Variants in SLFN5 observed in about 807,000 individuals in gnomAD.
SLFN5 encodes the protein schlafen family member 5.
SLFN5 carries 34 observed loss-of-function variants against 48.5 expected under a neutral mutation model. The ratio of observed to expected loss-of-function variants is 0.70; its 90% CI spans 0.53 to 0.93. SLFN5 has a LOEUF of 0.93. Ranked by LOEUF, SLFN5 falls within the 40% of genes least tolerant of loss-of-function variation. The pLI is 0.00. For missense variants in SLFN5, 1,006 were observed against 1,071.3 expected, an observed-to-expected ratio of 0.94 and a Z score of 0.85; for synonymous variants, 387 against 396.2, an observed-to-expected ratio of 0.98 and a Z score of 0.28.
At chr17:35,249,245 T>C (rs1378932201) in intron 1 of SLFN5, among the ~76,000 whole-genome samples, 1 of 152,136 alleles carries the variant, frequency 6.6e-6, no homozygotes, top group Non-Finnish European at 1.5e-5. Flanking sequence ...AAGCAGAACA[T>C]TTTGAAAGAG....
In SLFN5 at chr17:35,264,433, C is replaced by T; in HGVS notation, c.1389C>T (p.Cys463=). 2 of 1,614,176 alleles carry T rather than the reference C, an allele frequency of 1.2e-6. No homozygotes were observed. The highest frequency in any genetic ancestry group is 1.7e-6 in the Non-Finnish European group (2 of 1,180,044). ...TCTTCAGCAAGTGGGATGCGGGGTG[C>T]AAGGGCTATTCTATGATAGTTGCCT... ...YTIFSKWDAG[C]KGYSMIVAYS... The change falls in exon 4 of 5, where the codon TGC becomes TGT. Residue 463 remains cysteine, a synonymous_variant. Coordinates refer to ENST00000299977, the MANE Select transcript of SLFN5 (RefSeq NM_144975.4).
chr17:35,259,815 C>T, intron 2 of SLFN5, 113 bp downstream of exon 2: 3 of 1,277,578 alleles, frequency 2.3e-6, no homozygotes, highest in South Asian at 1.5e-5. Context: ...GAGATTTACT[C>T]TCTGATTTGC....
At chr17:35,251,606 C>T (rs1226027157) in intron 1 of SLFN5, among the ~76,000 whole-genome samples, 1 of 150,486 alleles carries the variant, frequency 6.6e-6, no homozygotes, top group Non-Finnish European at 1.5e-5. Context: ...GGGGTTTCAC[C>T]GTGTTAGCCA....
chr17:35,252,432 A>C (rs1174489590), intron 1 of SLFN5, among the ~76,000 whole-genome samples: 2 of 152,186 alleles, frequency 1.3e-5, no homozygotes, highest in South Asian at 4.1e-4. Flanking sequence ...CTCTAAAAAA[A>C]CAAAAACCAA....
At position 35,272,797 on chromosome 17, in the gene SLFN5, A is replaced by C. The variant is rs748629143; in HGVS notation, c.*6909A>C. ...TGGAAACATTACTCATGATAGCAGA[A>C]GTATCAATTGACAAAATTACTCAGA... On this transcript the variant is annotated 3_prime_UTR_variant, in exon 5 of 5. Transcript: ENST00000299977. The C allele has an allele frequency of 1.3e-5, 2 of 152,242 alleles. No homozygotes were observed. Among genetic ancestry groups the C allele is most frequent in the African/African-American group, 4.8e-5 (2 of 41,468 alleles). The allele number at this position is 152,242 out of a possible 1,614,324, so 9.4% of individuals were successfully genotyped here. A position where few individuals can be genotyped will look rare whatever the true frequency, so the allele number is the denominator to read the frequency against.
chr17:35,264,085 T>G, intron 3 of SLFN5, 98 bp from the exon 4 acceptor site: 1 of 1,395,110 alleles, frequency 7.2e-7, no homozygotes, highest in Non-Finnish European at 9.5e-7. Flanking sequence ...TGTAGATACA[T>G]AGTAGAGTCC....
chr17:35,272,526 G>A lies in SLFN5; in HGVS notation c.*6638G>A, dbSNP rs1301895858. 2.6e-5 allele frequency: 4 copies of A among 152,130 alleles called. No individual in the cohort carries two copies. The highest frequency in any genetic ancestry group is 9.7e-5 in the African/African-American group (4 of 41,418). 9.4% of individuals were successfully genotyped at this position (152,130 alleles called of 1,614,324 possible). On this transcript the variant is annotated 3_prime_UTR_variant, in exon 5 of 5. Coordinates refer to ENST00000299977, the MANE Select transcript of SLFN5 (RefSeq NM_144975.4). The stretch of plus-strand genomic sequence containing the variant: ...AGTATGGCCCTCAATCAGAAACCAG[G>A]AAGGAAAATATTGACTATTTTAAAC...
In SLFN5 at chr17:35,272,102, GA is replaced by G. The variant is rs1261442404; in HGVS notation, c.*6215del. ...GAAAAATCTAGAAAAGAAGAAACCT[GA>G]GTGAGTCAGCATGACCAAATATTAA... is the stretch of plus-strand genomic sequence containing the variant. On this transcript the variant is annotated 3_prime_UTR_variant, in exon 5 of 5. Transcript: ENST00000299977. 2.0e-5 allele frequency: 3 copies of G among 151,998 alleles called. No homozygotes were observed. The highest frequency in any genetic ancestry group is 6.6e-5 in the Admixed American group (1 of 15,242). The allele number at this position is 151,998 out of a possible 1,614,324, so 9.4% of individuals were successfully genotyped here. A position where few individuals can be genotyped will look rare whatever the true frequency, so the allele number is the denominator to read the frequency against.
Position 35,261,025 on chromosome 17 carries a change from C to T in SLFN5, c.1067C>T (p.Pro356Leu). The T allele has an allele frequency of 6.2e-7, 1 of 1,613,992 alleles. No homozygotes were observed. The change falls in exon 3 of 5, where the codon CCC becomes CTC. Residue 356 changes from proline to leucine, a missense_variant. By Grantham distance (98) the Pro-to-Leu change is moderately conservative. Transcript: ENST00000299977. ...CAGTTGAGTTTGTCATCTGCCACGCCCCGCAGCAAGCCTGTGTGCATTCAT... is the reference window on the plus strand; with the variant it reads ...CAGTTGAGTTTGTCATCTGCCACGCTCCGCAGCAAGCCTGTGTGCATTCAT... ...VLQLSLSSAT[P>L]RSKPVCIHKN...
chr17:35,262,431 A>G (rs1904547869), intron 3 of SLFN5, among the ~76,000 whole-genome samples: 1 of 152,024 alleles, frequency 6.6e-6, no homozygotes. Flanking sequence ...AAGTAGTAAT[A>G]ATTACTTGTA....
At position 35,261,158 on chromosome 17, in the gene SLFN5, C is replaced by T. The variant is rs1904510360; in HGVS notation, c.1138+62C>T. ...ATTGTTCATTCATATAAAAAATTGA[C>T]TCCTACTTTATATTATATACAGAAT... is the stretch of plus-strand genomic sequence containing the variant. On this transcript the variant is annotated intron_variant, in intron 3 of 4. Transcript: ENST00000299977. 3.8e-6 allele frequency: 6 copies of T among 1,575,228 alleles called. No individual in the cohort carries two copies. The South Asian group carries it at 6.9e-5, about 18-fold the overall frequency.
At chr17:35,253,623 C>T (rs1041933276) in intron 1 of SLFN5, among the ~76,000 whole-genome samples, 1 of 152,026 alleles carries the variant, frequency 6.6e-6, no homozygotes, top group African/African-American at 2.4e-5. Flanking sequence ...AATCCTCCCA[C>T]CTTGGCCTCC....
rs1904807160 is a variant in SLFN5 at position 35,270,621 on chromosome 17, A to G, written c.*4733A>G. The stretch of plus-strand genomic sequence containing the variant: ...CCAGTTGGCCAGACCAAAGCCTAGA[A>G]CTAAAAAACCCATACCTCAGGGTTT... On this transcript the variant is annotated 3_prime_UTR_variant, in exon 5 of 5. Coordinates refer to ENST00000299977, the MANE Select transcript of SLFN5 (RefSeq NM_144975.4). 1 of 152,266 alleles carries G rather than the reference A, an allele frequency of 6.6e-6. No individual in the cohort carries two copies. Among genetic ancestry groups the G allele is most frequent in the Non-Finnish European group, 1.5e-5 (1 of 68,078 alleles). The allele number at this position is 152,266 out of a possible 1,614,324, so 9.4% of individuals were successfully genotyped here.
chr17:35,269,805 A>C lies in SLFN5; in HGVS notation c.*3917A>C, dbSNP rs1368938799. 6.6e-6 allele frequency: 1 copy of C among 152,238 alleles called. No homozygotes were observed. Among genetic ancestry groups the C allele is most frequent in the African/African-American group, 2.4e-5 (1 of 41,458 alleles). 9.4% of individuals were successfully genotyped at this position (152,238 alleles called of 1,614,324 possible). On this transcript the variant is annotated 3_prime_UTR_variant, in exon 5 of 5. Coordinates refer to ENST00000299977, the MANE Select transcript of SLFN5 (RefSeq NM_144975.4). ...GTTCCCCCAAAGAATATCAGTTACCAAAGTAGGATGAAAGGATGTTGGGTA... is the reference window on the plus strand; with the variant it reads ...GTTCCCCCAAAGAATATCAGTTACCCAAGTAGGATGAAAGGATGTTGGGTA...
chr17:35,264,851 C>T lies in SLFN5; in HGVS notation c.1807C>T (p.Pro603Ser), dbSNP rs1299812054. 12 of 1,592,690 alleles carry T rather than the reference C, an allele frequency of 7.5e-6. 1 individual carries two copies. In the South Asian group the frequency reaches 9.2e-5, roughly 12 times the overall value. Residue 603 changes from proline to serine, a missense_variant, in exon 4 of 5, where the codon CCG (proline) becomes TCG (serine). By Grantham distance (74) the Pro-to-Ser change is moderately conservative. Coordinates refer to ENST00000299977, the MANE Select transcript of SLFN5 (RefSeq NM_144975.4). ...GATCAGGAATGTGTTTCACTGTGAA[C>T]CGGCTAACATTCTCTACATCTGTGA... is the stretch of plus-strand genomic sequence containing the variant. ...EKIRNVFHCEPANILYICENQ... is the reference protein window; with the variant it reads ...EKIRNVFHCESANILYICENQ...
rs1184061001 is a variant in SLFN5 at position 35,272,935 on chromosome 17, T to C, written c.*7047T>C. The C allele has an allele frequency of 1.3e-5, 2 of 151,404 alleles. No individual in the cohort carries two copies. The highest frequency in any genetic ancestry group is 2.9e-5 in the Non-Finnish European group (2 of 67,920). The allele number at this position is 151,404 out of a possible 1,614,324, so 9.4% of individuals were successfully genotyped here. A position where few individuals can be genotyped will look rare whatever the true frequency, so the allele number is the denominator to read the frequency against. On this transcript the variant is annotated 3_prime_UTR_variant, in exon 5 of 5. Transcript: ENST00000299977. Reference sequence around the variant, plus strand: ...ACAAAATTGTGAATGCATATATCTCTTTCTCTAGAAATTTCTCTTTTGGGA... The same window carrying C: ...ACAAAATTGTGAATGCATATATCTCCTTCTCTAGAAATTTCTCTTTTGGGA...
rs763176166 is a variant in SLFN5, at chr17:35,264,860, A to G, written c.1816A>G (p.Ile606Val). Residue 606 changes from isoleucine (I) to valine (V), a missense_variant, in exon 4 of 5, where the codon ATT becomes GTT. Ile to Val is a conservative substitution (Grantham distance 29). Transcript: ENST00000299977. ...TGTGTTTCACTGTGAACCGGCTAAC[A>G]TTCTCTACATCTGTGAAAACCAGCC... ...RNVFHCEPAN[I>V]LYICENQPLK... 1 of 1,587,522 alleles carries G rather than the reference A, an allele frequency of 6.3e-7. No homozygotes were observed. Among genetic ancestry groups the G allele is most frequent in the Non-Finnish European group, 8.5e-7 (1 of 1,170,056 alleles).
Position 35,258,919 on chromosome 17 carries a change from G to C in SLFN5, c.229G>C (p.Asp77His). ...TTATGAACGTCATGGAGTAGGATTG[G>C]ATGTGCCTCCAATTTTCAGAAGCCA... ...YNYERHGVGL[D>H]VPPIFRSHLD... The change falls in exon 2 of 5, where the codon GAT becomes CAT. Residue 77 changes from aspartate (D) to histidine (H), a missense_variant. By Grantham distance (81) the Asp-to-His change is moderately conservative. Coordinates refer to ENST00000299977, the MANE Select transcript of SLFN5 (RefSeq NM_144975.4). 1.9e-6 allele frequency: 3 copies of C among 1,614,204 alleles called. No homozygotes were observed. The highest frequency in any genetic ancestry group is 2.5e-6 in the Non-Finnish European group (3 of 1,180,046).
intron 1 of SLFN5, among the ~76,000 whole-genome samples, chr17:35,246,101 A>G (rs1036009405): frequency 6.6e-6 from 1 of 152,226 alleles, no homozygotes; most frequent in Admixed American, 6.5e-5. Flanking sequence ...GATGTTGAGC[A>G]TAATTCAATG....
Sources: gnomAD v4.1 joint callset for allele counts (sites outside exome capture counted in the v4.1 genomes callset) on GRCh38, gnomAD v4.1.1 for gene constraint, MANE v1.5 for transcripts, NCBI Gene and HGNC (gene_info 2026-07-23, HGNC 2026-07-21) for gene names.